Variants in MARCHF1 observed in about 807,000 individuals in gnomAD.
The protein encoded by MARCHF1 is E3 ubiquitin-protein ligase MARCHF1.
Under a neutral mutation model 54.2 loss-of-function variants are expected in MARCHF1, and 40 were observed. The observed-to-expected ratio is 0.74, with a 90% CI of 0.57 to 0.96. The LOEUF (loss-of-function observed/expected upper bound fraction) is 0.96. Ranked by LOEUF, MARCHF1 falls within the 40% of genes least tolerant of loss-of-function variation. The pLI is 0.00. For synonymous variants in MARCHF1, 236 were observed against 236.3 expected, an observed-to-expected ratio of 1.00 and a Z score of 0.01; for missense variants, 586 against 656.5, an observed-to-expected ratio of 0.89 and a Z score of 1.17.
intron 1 of MARCHF1, among the ~76,000 whole-genome samples, chr4:164,311,206 T>C (rs1430686934): frequency 6.6e-6 from 1 of 152,196 alleles, no homozygotes; most frequent in Non-Finnish European, 1.5e-5. Context: ...TGTACTGATC[T>C]ATTGTTAGGA....
intron 2 of MARCHF1, among the ~76,000 whole-genome samples, chr4:164,022,425 G>A (rs1255340066): frequency 6.6e-6 from 1 of 152,138 alleles, no homozygotes; most frequent in Non-Finnish European, 1.5e-5. Flanking sequence ...CAGAAACCAA[G>A]GCTGAAGAGA....
At chr4:164,210,163 G>A (rs942194588) in intron 1 of MARCHF1, among the ~76,000 whole-genome samples, 3 of 152,228 alleles carry the variant, frequency 2.0e-5, no homozygotes, top group Admixed American at 6.5e-5. Context: ...CTGGAAAGAG[G>A]CAAAAGTGTG....
intron 5 of MARCHF1, among the ~76,000 whole-genome samples, chr4:163,618,884 G>A (rs897509827): frequency 8.5e-5 from 13 of 152,164 alleles, no homozygotes; most frequent in Non-Finnish European, 1.9e-4. Flanking sequence ...GGGTTCTGAT[G>A]AAGAAAGCAC....
intron 5 of MARCHF1, among the ~76,000 whole-genome samples, chr4:163,619,327 G>T (rs979635391): frequency 6.6e-6 from 1 of 152,162 alleles, no homozygotes; most frequent in Admixed American, 6.5e-5. Context: ...TATCCAGGAT[G>T]CAGTGAGGAT....
chr4:163,892,060 A>T (rs958670457), intron 3 of MARCHF1, among the ~76,000 whole-genome samples: 1 of 152,190 alleles, frequency 6.6e-6, no homozygotes, highest in African/African-American at 2.4e-5. Flanking sequence ...CTGACATTGT[A>T]ACAATTTAAT....
At chr4:163,702,427 C>A (rs1379649228) in intron 4 of MARCHF1, among the ~76,000 whole-genome samples, 1 of 152,064 alleles carries the variant, frequency 6.6e-6, no homozygotes, top group Non-Finnish European at 1.5e-5. Flanking sequence ...ATATAATAGG[C>A]TTTGGGAGAG....
At position 163,853,012 on chromosome 4, in the gene MARCHF1, A is replaced by T. The variant is rs151254604; in HGVS notation, c.111+1009T>A. Among the ~76,000 whole-genome samples, 816 of 152,286 alleles carry T rather than the reference A, an allele frequency of 5.4e-3. 6 individuals are homozygous for T. The highest frequency in any genetic ancestry group is 0.013 in the South Asian group (65 of 4,822). ...TGAGAAGGCACCATCTATGAATCAG[A>T]AAAGCAGGCCCTCACCAGACACCAA... is the stretch of plus-strand genomic sequence containing the variant. On this transcript the variant is annotated intron_variant, in intron 4 of 9. Transcript: ENST00000514618.
intron 5 of MARCHF1, among the ~76,000 whole-genome samples, chr4:163,663,616 G>A (rs1249704263): frequency 6.6e-6 from 1 of 151,992 alleles, no homozygotes; most frequent in African/African-American, 2.4e-5. Flanking sequence ...AGCTTGTGGA[G>A]GATAAATGAC....
intron 1 of MARCHF1, among the ~76,000 whole-genome samples, chr4:164,250,750 AGAT>A (rs1199510341): frequency 9.9e-5 from 15 of 152,174 alleles, no homozygotes; most frequent in Admixed American, 9.8e-4. Context: ...TATAAAAATA[AGAT>A]GATAAGATAT....
chr4:163,968,804 C>T lies in MARCHF1; in HGVS notation c.-39+19697G>A, dbSNP rs77367623. Among the ~76,000 whole-genome samples, 104 of 152,230 alleles carry T rather than the reference C, an allele frequency of 6.8e-4. 2 individuals are homozygous for T. The East Asian group carries it at 0.017, about 26-fold the overall frequency. On this transcript the variant is annotated intron_variant, in intron 3 of 9. Transcript: ENST00000514618. ...CAACAAACAGCTCTGAAGTGCAATA[C>T]GCCCTGGAAAATAAAATGCAACAAA...
At position 163,587,556 on chromosome 4, in the gene MARCHF1, A is replaced by C. The variant is rs1193429664; in HGVS notation, c.1011-1627T>G. ...CTGCATATTCTCACTTATAAGTAGGAGCTAAATATTATGTACAGAGGGACA... is the reference window on the plus strand; with the variant it reads ...CTGCATATTCTCACTTATAAGTAGGCGCTAAATATTATGTACAGAGGGACA... On this transcript the variant is annotated intron_variant, in intron 7 of 9. Transcript: ENST00000514618. 2.0e-5 allele frequency among the ~76,000 whole-genome samples: 3 copies of C among 152,200 alleles called. No homozygotes were observed. The East Asian group carries it at 5.8e-4, about 29-fold the overall frequency.
chr4:164,242,647 T>A (rs894412509), intron 1 of MARCHF1, among the ~76,000 whole-genome samples: 11 of 151,348 alleles, frequency 7.3e-5, no homozygotes, highest in Admixed American at 2.0e-4. Flanking sequence ...TGATGAGCTG[T>A]GAGAAGAAGG....
intron 3 of MARCHF1, among the ~76,000 whole-genome samples, chr4:163,881,210 C>T (rs1049389963): frequency 6.6e-6 from 1 of 152,178 alleles, no homozygotes; most frequent in African/African-American, 2.4e-5. Flanking sequence ...CATGGTGGCT[C>T]ATGCCTGTAA....
intron 4 of MARCHF1, among the ~76,000 whole-genome samples, chr4:163,722,097 C>T (rs1579227306): frequency 6.6e-6 from 1 of 151,996 alleles, no homozygotes; most frequent in South Asian, 2.1e-4. Flanking sequence ...GCTCTTGCTT[C>T]TCTGGTTCTT....
At chr4:163,947,149 A>C (rs1361537419) in intron 3 of MARCHF1, among the ~76,000 whole-genome samples, 1 of 152,172 alleles carries the variant, frequency 6.6e-6, no homozygotes, top group East Asian at 1.9e-4. Context: ...TTCGTGGCAA[A>C]TTTCAATTTG....
intron 3 of MARCHF1, among the ~76,000 whole-genome samples, chr4:163,978,451 A>G (rs10030435): frequency 0.041 from 6,253 of 152,148 alleles, 354 homozygotes; most frequent in East Asian, 0.14. Flanking sequence ...AAATCTTAGA[A>G]CCTTGGAGAT....
At chr4:164,159,317 A>T (rs1451324987) in intron 1 of MARCHF1, among the ~76,000 whole-genome samples, 1 of 152,146 alleles carries the variant, frequency 6.6e-6, no homozygotes. Flanking sequence ...TATTTATTTA[A>T]TCTCTGTTAA....
chr4:164,199,675 CACACACAGAG>C lies in MARCHF1; in HGVS notation c.-322-88023_-322-88014del, dbSNP rs1471017908. On this transcript the variant is annotated intron_variant, in intron 1 of 9. Transcript: ENST00000514618. ...ACACACACACACACACACACACACA[CACACACAGAG>C]AGAGAGAGAGAGAGAGAGAGAGAGA... Among the ~76,000 whole-genome samples, 97 of 54,452 alleles carry C rather than the reference CACACACAGAG, an allele frequency of 1.8e-3. 1 individual carries two copies. Among genetic ancestry groups the C allele is most frequent in the African/African-American group, 8.6e-3 (78 of 9,074 alleles). The allele number at this position is 54,452 out of a possible 152,430, so 35.7% of individuals were successfully genotyped here. A position where few individuals can be genotyped will look rare whatever the true frequency, so the allele number is the denominator to read the frequency against.
chr4:163,901,279 G>T (rs1435861728), intron 3 of MARCHF1, among the ~76,000 whole-genome samples: 1 of 152,094 alleles, frequency 6.6e-6, no homozygotes, highest in East Asian at 1.9e-4. Flanking sequence ...ATAAATTATG[G>T]TAAATATTTA....
Sources: allele counts gnomAD v4.1 joint callset (sites outside exome capture counted in the v4.1 genomes callset), GRCh38; gene constraint gnomAD v4.1.1; transcripts MANE v1.5; gene names NCBI Gene and HGNC (gene_info 2026-07-23, HGNC 2026-07-21).